Variants in PCCA observed in about 807,000 individuals in gnomAD.
PCCA encodes the protein propionyl-CoA carboxylase alpha chain, mitochondrial.
Under a neutral mutation model 101.3 loss-of-function variants are expected in PCCA, and 74 were observed. The observed-to-expected ratio is 0.73, with a 90% CI of 0.61 to 0.89. The LOEUF (loss-of-function observed/expected upper bound fraction) is 0.89, where lower values mean the gene tolerates loss of function less well. PCCA is among the 40% of genes least tolerant of loss of function. PCCA has a pLI of 0.00. For missense variants in PCCA, 891 were observed against 907.0 expected (o/e 0.98, Z 0.23); for synonymous variants, 294 against 313.6 (o/e 0.94, Z 0.66).
At chr13:100,325,210 C>CAGCTTTTATG (rs550855721) in intron 16 of PCCA, among the ~76,000 whole-genome samples, 77 of 152,230 alleles carry the variant, frequency 5.1e-4, no homozygotes, top group African/African-American at 1.7e-3. Context: ...ATTGAAGATG[C>CAGCTTTTATG]AGCTTTTATG....
chr13:100,164,076 T>C (rs2054786120), intron 6 of PCCA, among the ~76,000 whole-genome samples: 1 of 152,220 alleles, frequency 6.6e-6, no homozygotes, highest in South Asian at 2.1e-4. Context: ...TTATAAATTC[T>C]ATGTGAAAAT....
At chr13:100,347,066 G>A (rs1283844962) in intron 18 of PCCA, among the ~76,000 whole-genome samples, 2 of 151,978 alleles carry the variant, frequency 1.3e-5, no homozygotes, top group African/African-American at 4.8e-5. Context: ...TAGTAGAGAC[G>A]GGGTTTCACC....
rs923920596 is a variant in PCCA, at chr13:100,530,279, G to A, written c.*113G>A. ...AACACCCCTGTGCAGCTACGTTTAC[G>A]TCGTCATTTATTCCACAGAGTCAAG... On this transcript the variant is annotated 3_prime_UTR_variant, in exon 24 of 24. Transcript: ENST00000376285. The A allele has an allele frequency of 3.2e-5, 28 of 868,710 alleles. No homozygotes were observed. The highest frequency in any genetic ancestry group is 2.2e-4 in the Middle Eastern group (1 of 4,624). The allele number at this position is 868,710 out of a possible 1,614,324, so 53.8% of individuals were successfully genotyped here.
chr13:100,456,770 G>A (rs1193615608), intron 21 of PCCA, among the ~76,000 whole-genome samples: 1 of 152,162 alleles, frequency 6.6e-6, no homozygotes, highest in Non-Finnish European at 1.5e-5. Context: ...GCTTCAAAGA[G>A]GAACCAGGAG....
At chr13:100,230,817 G>T (rs895483837) in intron 7 of PCCA, among the ~76,000 whole-genome samples, 3 of 152,174 alleles carry the variant, frequency 2.0e-5, no homozygotes, top group Admixed American at 6.5e-5. Context: ...TCCTTATGGA[G>T]CTTACATTTT....
At chr13:100,236,007 C>T in intron 8 of PCCA, 129 bp downstream of exon 8, 1 of 686,720 alleles carries the variant, frequency 1.5e-6, no homozygotes, top group Non-Finnish European at 2.7e-6. Context: ...TTACTTGTTG[C>T]TCTGGAAGAA....
chr13:100,180,510 C>A (rs369418213), intron 6 of PCCA, among the ~76,000 whole-genome samples: 1 of 152,192 alleles, frequency 6.6e-6, no homozygotes, highest in Non-Finnish European at 1.5e-5. Context: ...AAAACAGCCC[C>A]ATAAGACAAC....
chr13:100,402,022 G>C (rs1428858593), intron 19 of PCCA, among the ~76,000 whole-genome samples: 2 of 152,120 alleles, frequency 1.3e-5, no homozygotes, highest in African/African-American at 4.8e-5. Flanking sequence ...CGTGTGCGTG[G>C]TGATGAGATG....
chr13:100,229,304 T>A (rs1204696169), intron 7 of PCCA, among the ~76,000 whole-genome samples: 2 of 152,214 alleles, frequency 1.3e-5, no homozygotes, highest in Non-Finnish European at 2.9e-5. Context: ...AACTGAAGTG[T>A]AAAAAGTAAA....
At chr13:100,390,157 A>G (rs1451113804) in intron 19 of PCCA, among the ~76,000 whole-genome samples, 2 of 152,216 alleles carry the variant, frequency 1.3e-5, no homozygotes, top group Admixed American at 6.5e-5. Context: ...AATATGTGTC[A>G]AGCACTGTTC....
chr13:100,239,665 T>C (rs1409248025), intron 8 of PCCA, among the ~76,000 whole-genome samples: 1 of 152,188 alleles, frequency 6.6e-6, no homozygotes, highest in Non-Finnish European at 1.5e-5. Flanking sequence ...TGAAGTTTGA[T>C]CTTTTTACTG....
chr13:100,230,222 G>A (rs554015952), intron 7 of PCCA, among the ~76,000 whole-genome samples: 37 of 152,240 alleles, frequency 2.4e-4, no homozygotes, highest in Non-Finnish European at 4.1e-4. Flanking sequence ...TACCTAGCCA[G>A]GTGTGGGAGG....
chr13:100,505,928 A>G (rs1037142264), intron 21 of PCCA, among the ~76,000 whole-genome samples: 2 of 150,822 alleles, frequency 1.3e-5, no homozygotes, highest in African/African-American at 4.9e-5. Flanking sequence ...GAAAGGACAC[A>G]GGAAATAATA....
At chr13:100,425,408 G>A (rs2079072259) in intron 19 of PCCA, among the ~76,000 whole-genome samples, 1 of 152,214 alleles carries the variant, frequency 6.6e-6, no homozygotes, top group Non-Finnish European at 1.5e-5. Context: ...ATCACTTGAA[G>A]CCTCAGTACC....
intron 18 of PCCA, among the ~76,000 whole-genome samples, chr13:100,361,682 A>G (rs961878651): frequency 5.3e-5 from 8 of 152,216 alleles, no homozygotes; most frequent in African/African-American, 1.7e-4. Flanking sequence ...TGGGGGAAAT[A>G]TACATGAAAC....
At chr13:100,376,383 G>A (rs1274860354) in intron 19 of PCCA, among the ~76,000 whole-genome samples, 1 of 152,196 alleles carries the variant, frequency 6.6e-6, no homozygotes, top group East Asian at 1.9e-4. Context: ...TGCTGTGCTA[G>A]GAGATCTGCT....
intron 6 of PCCA, among the ~76,000 whole-genome samples, chr13:100,173,161 A>C (rs1184905942): frequency 6.6e-6 from 1 of 152,228 alleles, no homozygotes; most frequent in Non-Finnish European, 1.5e-5. Flanking sequence ...TGGGAAAAAC[A>C]GGCAGGAGAG....
At chr13:100,286,087 G>T (rs1039855101) in intron 12 of PCCA, among the ~76,000 whole-genome samples, 6 of 152,174 alleles carry the variant, frequency 3.9e-5, no homozygotes, top group East Asian at 3.8e-4. Flanking sequence ...CATGTGTGTG[G>T]GGGGGAAGCA....
At chr13:100,458,394 A>G (rs1253475211) in intron 21 of PCCA, among the ~76,000 whole-genome samples, 8 of 134,840 alleles carry the variant, frequency 5.9e-5, no homozygotes, top group Non-Finnish European at 9.6e-5. Flanking sequence ...ACACGCACAT[A>G]TACACACAGT....
Sources: gnomAD v4.1 joint callset for allele counts (sites outside exome capture counted in the v4.1 genomes callset) on GRCh38, gnomAD v4.1.1 for gene constraint, MANE v1.5 for transcripts, NCBI Gene and HGNC (gene_info 2026-07-23, HGNC 2026-07-21) for gene names.